SPI1: variants seen among roughly 807,000 people sequenced by gnomAD.
The protein encoded by SPI1 is Spi-1 proto-oncogene.
SPI1 carries 3 observed loss-of-function variants against 30.7 expected under a neutral mutation model. That is an observed-to-expected ratio of 0.10 (90% CI 0.04 to 0.25). The LOEUF is 0.25. Among genes scored for constraint, SPI1 ranks in the 10% least tolerant of loss-of-function variants. The probability of loss-of-function intolerance (pLI) is 1.00; values close to 1 mark genes in which losing one functional copy is unlikely to be tolerated. For synonymous variants in SPI1, 169 were observed against 157.1 expected, an observed-to-expected ratio of 1.08 and a Z score of -0.56; for missense variants, 261 against 371.5, an observed-to-expected ratio of 0.70 and a Z score of 2.45.
chr11:47,358,828 G>A lies in SPI1; in HGVS notation c.493+16C>T. On this transcript the variant is annotated intron_variant, in intron 4 of 4. Coordinates refer to ENST00000378538, the MANE Select transcript of SPI1 (RefSeq NM_003120.3). ...CGGCCAGGGTCGGGGCCAGGGTGGA[G>A]GGCCAGGTGCCCCACCTGTCTCCCC... is the stretch of plus-strand genomic sequence containing the variant. 1 of 1,548,484 alleles carries A rather than the reference G, an allele frequency of 6.5e-7. No individual in the cohort carries two copies. The highest frequency in any genetic ancestry group is 8.7e-7 in the Non-Finnish European group (1 of 1,145,830).
chr11:47,356,755 C>T (rs991585574), intron 4 of SPI1, among the ~76,000 whole-genome samples: 9 of 149,444 alleles, frequency 6.0e-5, no homozygotes, highest in East Asian at 2.0e-4. Flanking sequence ...TCACACATAT[C>T]CACTCACATA....
Position 47,359,951 on chromosome 11 carries a change from G to T in SPI1, c.232C>A (p.Pro78Thr), listed in dbSNP as rs772416102. 1.2e-6 allele frequency: 2 copies of T among 1,611,694 alleles called. No individual in the cohort carries two copies. The highest frequency in any genetic ancestry group is 1.7e-6 in the Non-Finnish European group (2 of 1,179,702). The change falls in exon 3 of 5, where the codon CCC becomes ACC. Residue 78 changes from proline (P) to threonine (T), a missense_variant. Pro to Thr is a conservative substitution (Grantham distance 38). Around this residue, in one of 5 missense-constraint regions of SPI1, gnomAD observed 10 missense variants for 31.6 expected, o/e 0.32. Coordinates refer to ENST00000378538, the MANE Select transcript of SPI1 (RefSeq NM_003120.3). This position sits in a 1 kb window ranked among gnomAD's most constrained non-coding sequence, Gnocchi z 5.1. ...NNFTELQSVQ[P>T]PQLQQLYRHM... ...CGGTAGAGCTGCTGCAGCTGCGGGG[G>T]CTGCACGCTCTGGAGCTCCGTGAAG...
chr11:47,363,760 TGA>T (rs2095924232), intron 2 of SPI1, among the ~76,000 whole-genome samples: 1 of 151,192 alleles, frequency 6.6e-6, no homozygotes. Context: ...GTCAGGAGTT[TGA>T]GACCAGCCTG....
At chr11:47,363,709 TC>T (rs1255300079) in intron 2 of SPI1, among the ~76,000 whole-genome samples, 1 of 151,800 alleles carries the variant, frequency 6.6e-6, no homozygotes, top group African/African-American at 2.4e-5. Context: ...ATGCCTGTAA[TC>T]CAAGCACTTT....
chr11:47,362,865 C>T (rs899763126), intron 2 of SPI1, among the ~76,000 whole-genome samples: 17 of 151,430 alleles, frequency 1.1e-4, no homozygotes, highest in African/African-American at 3.9e-4. Flanking sequence ...TGAGCCACTG[C>T]GCCCAGCTGA....
intron 2 of SPI1, among the ~76,000 whole-genome samples, chr11:47,364,520 T>TC (rs1370300862): frequency 6.6e-6 from 1 of 151,976 alleles, no homozygotes; most frequent in Non-Finnish European, 1.5e-5. Flanking sequence ...ATTTTTGCCT[T>TC]CTCCTGCCCA....
At chr11:47,377,653 C>T (rs1365318752) in intron 1 of SPI1, among the ~76,000 whole-genome samples, 1 of 152,104 alleles carries the variant, frequency 6.6e-6, no homozygotes, top group African/African-American at 2.4e-5. Flanking sequence ...CCAGCCCTGT[C>T]CCCTGCCGCG....
chr11:47,370,221 G>A (rs1376597866), intron 2 of SPI1, among the ~76,000 whole-genome samples: 2 of 151,846 alleles, frequency 1.3e-5, no homozygotes, highest in African/African-American at 2.4e-5. Flanking sequence ...TGGCCAACAT[G>A]GTGAAACCCC....
intron 2 of SPI1, among the ~76,000 whole-genome samples, chr11:47,361,551 C>T (rs1217713986): frequency 2.6e-5 from 4 of 152,146 alleles, no homozygotes; most frequent in African/African-American, 7.2e-5. Context: ...ACTTCCTGGG[C>T]GCAATTCGGG....
intron 4 of SPI1, among the ~76,000 whole-genome samples, chr11:47,355,775 C>T (rs1386900897): frequency 1.4e-4 from 6 of 44,108 alleles, no homozygotes; most frequent in Non-Finnish European, 2.8e-4. Flanking sequence ...CACGCACTCA[C>T]CCCCCCCACG....
rs1181650339 is a variant in SPI1, at chr11:47,359,442, A to G, written c.330+411T>C. Reference sequence around the variant, plus strand: ...GAGGTCAGTAGGGGTGGTAGAGGTCAGCAGAGGTCACTGATCCGGGTTAGG... The same window carrying G: ...GAGGTCAGTAGGGGTGGTAGAGGTCGGCAGAGGTCACTGATCCGGGTTAGG... On this transcript the variant is annotated intron_variant, in intron 3 of 4. Transcript: ENST00000378538. This position sits in a 1 kb window ranked among gnomAD's most constrained non-coding sequence, Gnocchi z 5.1. Among the ~76,000 whole-genome samples, 2 of 152,046 alleles carry G rather than the reference A, an allele frequency of 1.3e-5. No individual in the cohort carries two copies. Among genetic ancestry groups the G allele is most frequent in the African/African-American group, 4.8e-5 (2 of 41,370 alleles).
At chr11:47,357,490 TTCTGCTC>T (rs1166623471) in intron 4 of SPI1, among the ~76,000 whole-genome samples, 4 of 150,240 alleles carry the variant, frequency 2.7e-5, no homozygotes, top group African/African-American at 9.8e-5. Flanking sequence ...CTCACACACA[TTCTGCTC>T]TCACATCCAC....
chr11:47,357,206 T>C (rs1280984272), intron 4 of SPI1, among the ~76,000 whole-genome samples: 2 of 147,032 alleles, frequency 1.4e-5, no homozygotes, highest in African/African-American at 2.5e-5. Flanking sequence ...CCCACACATA[T>C]CTGCACACAC....
intron 2 of SPI1, among the ~76,000 whole-genome samples, chr11:47,362,914 G>A (rs563135682): frequency 2.3e-5 from 3 of 131,798 alleles, no homozygotes; most frequent in Admixed American, 7.7e-5. Context: ...AGTGTGCAGG[G>A]GGAGGGGCTT....
rs745879794 is a variant in SPI1 at position 47,360,017 on chromosome 11, G to A, written c.166C>T (p.His56Tyr). The change falls in exon 3 of 5, where the codon CAC becomes TAC. Residue 56 changes from histidine (H) to tyrosine (Y), a missense_variant. His to Tyr is a moderately conservative substitution (Grantham distance 83). Coordinates refer to ENST00000378538, the MANE Select transcript of SPI1 (RefSeq NM_003120.3). ...HSDHYWDFHP[H>Y]HVHSEFESFA... ...CTCTCGAACTCGCTGTGCACGTGGT[G>A]GGGGTGGAAGTCCCAGTAATGGTCT... 2.5e-6 allele frequency: 4 copies of A among 1,585,954 alleles called. No homozygotes were observed. The highest frequency in any genetic ancestry group is 3.5e-5 in the Admixed American group (2 of 56,948).
intron 2 of SPI1, among the ~76,000 whole-genome samples, chr11:47,363,392 G>T (rs1346245416): frequency 6.6e-6 from 1 of 151,962 alleles, no homozygotes; most frequent in Admixed American, 6.6e-5. Flanking sequence ...GTGATGGCAG[G>T]CGCCTGTAAT....
chr11:47,357,839 A>G (rs2095913919), intron 4 of SPI1, among the ~76,000 whole-genome samples: 1 of 152,072 alleles, frequency 6.6e-6, no homozygotes, highest in African/African-American at 2.4e-5. Flanking sequence ...GTGCTGGGAT[A>G]CAGGCGTGAG....
intron 2 of SPI1, among the ~76,000 whole-genome samples, chr11:47,366,364 C>T (rs2036836495): frequency 6.6e-6 from 1 of 152,190 alleles, no homozygotes; most frequent in Non-Finnish European, 1.5e-5. Context: ...AAGTGTCATT[C>T]AGCTGACCTT....
chr11:47,361,209 A>T (rs1237543614), intron 2 of SPI1, among the ~76,000 whole-genome samples: 3 of 152,060 alleles, frequency 2.0e-5, no homozygotes, highest in East Asian at 3.8e-4. Flanking sequence ...TCTCTGTCTC[A>T]CACACACACA....
Sources: gnomAD v4.1 joint callset for allele counts (sites outside exome capture counted in the v4.1 genomes callset) on GRCh38, gnomAD v4.1.1 for gene constraint, gnomAD v4.1.1 regional missense constraint, Gnocchi (gnomAD v3.1) non-coding constraint, MANE v1.5 for transcripts, NCBI Gene and HGNC (gene_info 2026-07-23, HGNC 2026-07-21) for gene names.